DLGAP2: variants seen among roughly 807,000 people sequenced by gnomAD.
DLGAP2 encodes disks large-associated protein 2.
DLGAP2 carries 26 observed loss-of-function variants against 100.3 expected under a neutral mutation model. The ratio of observed to expected loss-of-function variants is 0.26; its 90% confidence interval spans 0.19 to 0.36. The LOEUF is 0.36. DLGAP2 is among the 10% of genes least tolerant of loss of function. DLGAP2 has a pLI of 1.00. For missense variants in DLGAP2, 1,858 were observed against 1,453.2 expected (o/e 1.28, Z -4.53); for synonymous variants, 886 against 630.1 (o/e 1.41, Z -6.08).
chr8:1,562,645 C>T (rs1802215890), intron 5 of DLGAP2, among the ~76,000 whole-genome samples: 1 of 55,990 alleles, frequency 1.8e-5, no homozygotes, highest in Non-Finnish European at 3.2e-5. Flanking sequence ...GTCCGCGCCT[C>T]GTTGCTGGGG....
chr8:797,136 T>C (rs1205574398), intron 1 of DLGAP2, among the ~76,000 whole-genome samples: 1 of 152,206 alleles, frequency 6.6e-6, no homozygotes, highest in African/African-American at 2.4e-5. Flanking sequence ...GTTTTGACAA[T>C]TGAACACGAC....
chr8:1,208,840 C>T (rs942008826), intron 2 of DLGAP2, among the ~76,000 whole-genome samples: 2 of 151,252 alleles, frequency 1.3e-5, no homozygotes, highest in African/African-American at 4.9e-5. Flanking sequence ...ATCAAGAACT[C>T]CACCCCTTTA....
chr8:1,498,708 A>C (rs1161256393), intron 3 of DLGAP2, among the ~76,000 whole-genome samples: 2 of 152,246 alleles, frequency 1.3e-5, no homozygotes, highest in African/African-American at 4.8e-5. Flanking sequence ...AATAAAACGT[A>C]TGTGAATGTG....
chr8:1,630,973 G>A (rs1003052962), intron 7 of DLGAP2, among the ~76,000 whole-genome samples: 19 of 104,248 alleles, frequency 1.8e-4, no homozygotes, highest in Admixed American at 1.6e-3. Context: ...CGAGGGTCTC[G>A]GCGGGAGGTC....
At chr8:1,698,384 G>A (rs978969427) in intron 14 of DLGAP2, among the ~76,000 whole-genome samples, 36 of 148,068 alleles carry the variant, frequency 2.4e-4, no homozygotes, top group African/African-American at 6.2e-4. Flanking sequence ...ACAGGTCCAC[G>A]TAAGCCATGC....
intron 1 of DLGAP2, among the ~76,000 whole-genome samples, chr8:802,493 A>T (rs1370660582): frequency 6.6e-6 from 1 of 152,066 alleles, no homozygotes; most frequent in Non-Finnish European, 1.5e-5. Flanking sequence ...CTGCTTCTCA[A>T]CTTGCTGGGT....
At chr8:841,015 C>T (rs187166410) in intron 1 of DLGAP2, among the ~76,000 whole-genome samples, 14 of 152,252 alleles carry the variant, frequency 9.2e-5, no homozygotes, top group African/African-American at 3.1e-4. Flanking sequence ...AGAGCCTAGG[C>T]CCATTAATTC....
chr8:1,305,204 C>G (rs1048074241), intron 3 of DLGAP2, among the ~76,000 whole-genome samples: 5 of 152,188 alleles, frequency 3.3e-5, no homozygotes, highest in Non-Finnish European at 7.3e-5. Flanking sequence ...TAGTTTCCTC[C>G]TTTAAAAAAT....
chr8:1,188,564 T>C (rs551419920), intron 2 of DLGAP2, among the ~76,000 whole-genome samples: 1 of 151,336 alleles, frequency 6.6e-6, no homozygotes, highest in African/African-American at 2.4e-5. Flanking sequence ...GGGATCTCCG[T>C]GATGTTTCCC....
rs942273045 is a variant in DLGAP2 at position 881,087 on chromosome 8, G to A, written c.19-26825G>A. Among the ~76,000 whole-genome samples the A allele has an allele frequency of 8.5e-5, 13 of 152,182 alleles. No homozygotes were observed. The East Asian group carries it at 9.6e-4, about 11-fold the overall frequency. On this transcript the variant is annotated intron_variant, in intron 1 of 14. Coordinates refer to ENST00000637795, the MANE Select transcript of DLGAP2 (RefSeq NM_001346810.2). ...TCAGGTGATATTCACAAGAATTTGC[G>A]AAGATTACATAAAAATGACTTAGAG...
chr8:891,090 G>T (rs2128995533), intron 1 of DLGAP2, among the ~76,000 whole-genome samples: 1 of 151,742 alleles, frequency 6.6e-6, no homozygotes. Flanking sequence ...CTTGGGGGGT[G>T]CTTTTCAGAG....
At chr8:1,464,243 T>G (rs1798547198) in intron 3 of DLGAP2, among the ~76,000 whole-genome samples, 2 of 136,390 alleles carry the variant, frequency 1.5e-5, no homozygotes, top group African/African-American at 3.4e-5. Context: ...GACGACACCC[T>G]TCCAGGACGG....
At chr8:1,077,947 G>C (rs1481775790) in intron 2 of DLGAP2, among the ~76,000 whole-genome samples, 1 of 152,198 alleles carries the variant, frequency 6.6e-6, no homozygotes, top group African/African-American at 2.4e-5. Flanking sequence ...CCACTGTCTA[G>C]TGCATAACTC....
chr8:961,789 T>G (rs1406670766), intron 2 of DLGAP2, among the ~76,000 whole-genome samples: 4 of 152,182 alleles, frequency 2.6e-5, no homozygotes, highest in Non-Finnish European at 4.4e-5. Flanking sequence ...TTGTGTAAAT[T>G]TTTTGTTTTC....
chr8:1,172,315 C>T (rs933850971), intron 2 of DLGAP2, among the ~76,000 whole-genome samples: 6 of 152,132 alleles, frequency 3.9e-5, no homozygotes, highest in African/African-American at 7.2e-5. Context: ...CTCTCCTTAA[C>T]ATTTTTTCCT....
intron 5 of DLGAP2, among the ~76,000 whole-genome samples, chr8:1,552,813 C>T (rs1032209426): frequency 1.3e-5 from 2 of 152,194 alleles, no homozygotes; most frequent in Non-Finnish European, 2.9e-5. Flanking sequence ...ATGTGGTTCA[C>T]ATTAGAGGAA....
At chr8:967,377 G>T (rs564428744) in intron 2 of DLGAP2, among the ~76,000 whole-genome samples, 7 of 152,298 alleles carry the variant, frequency 4.6e-5, no homozygotes, top group African/African-American at 1.4e-4. Flanking sequence ...TAGGCTTTGG[G>T]TGCCTGTGGT....
chr8:1,301,403 A>G (rs1800335817), intron 3 of DLGAP2: 4 of 151,550 alleles, frequency 2.6e-5, no homozygotes, highest in Admixed American at 2.6e-4. Context: ...CTCAACAGCA[A>G]CTGATGGGCT....
At chr8:1,640,823 G>C (rs1009472130) in intron 8 of DLGAP2, among the ~76,000 whole-genome samples, 3 of 152,222 alleles carry the variant, frequency 2.0e-5, no homozygotes, top group African/African-American at 7.2e-5. Context: ...ATGCAGTCCA[G>C]ATACCTAAAA....
Sources: allele counts gnomAD v4.1 joint callset (sites outside exome capture counted in the v4.1 genomes callset), GRCh38; gene constraint gnomAD v4.1.1; transcripts MANE v1.5; gene names NCBI Gene and HGNC (gene_info 2026-07-23, HGNC 2026-07-21).